Variants in DGKB observed in about 807,000 individuals in gnomAD.
The protein encoded by DGKB is 90 kDa diacylglycerol kinase.
Under a neutral mutation model 114.3 loss-of-function variants are expected in DGKB, and 67 were observed. The observed-to-expected ratio is 0.59, with a 90% confidence interval of 0.48 to 0.72. DGKB has a LOEUF of 0.72. Ranked by LOEUF, DGKB falls within the 30% of genes least tolerant of loss-of-function variation. DGKB has a pLI of 0.00. For missense variants in DGKB, 907 were observed against 975.2 expected (o/e 0.93, Z 0.93); for synonymous variants, 398 against 323.1 (o/e 1.23, Z -2.49).
intron 21 of DGKB, among the ~76,000 whole-genome samples, chr7:14,392,995 G>GTGTTTTTTTTTTTTT (rs1821577015): frequency 5.0e-5 from 3 of 60,546 alleles, no homozygotes; most frequent in African/African-American, 1.5e-4. Flanking sequence ...TTTTGTTTTT[G>GTGTTTTTTTTTTTTT]TTTTTTTTTT....
intron 22 of DGKB, among the ~76,000 whole-genome samples, chr7:14,343,286 A>G (rs1487508665): frequency 6.6e-6 from 1 of 151,728 alleles, no homozygotes; most frequent in Non-Finnish European, 1.5e-5. Flanking sequence ...AAAATAAGCC[A>G]GGGATGCAGA....
chr7:14,817,907 T>A (rs1353832689), intron 2 of DGKB, among the ~76,000 whole-genome samples: 2 of 150,418 alleles, frequency 1.3e-5, no homozygotes, highest in Non-Finnish European at 2.9e-5. Flanking sequence ...TATGGCATGA[T>A]GCTGACAGCA....
Position 14,294,845 on chromosome 7 carries a change from G to A in DGKB, c.2122+43670C>T, listed in dbSNP as rs140349305. Reference sequence around the variant, plus strand: ...CTAGTTTAATGAGATAATCAGATAAGTGACCATTTAAAATACAGACTACAT... The same window carrying A: ...CTAGTTTAATGAGATAATCAGATAAATGACCATTTAAAATACAGACTACAT... On this transcript the variant is annotated intron_variant, in intron 23 of 25. Coordinates refer to ENST00000402815, the MANE Select transcript of DGKB (RefSeq NM_001350709.2). Among the ~76,000 whole-genome samples, 758 of 152,252 alleles carry A rather than the reference G, an allele frequency of 5.0e-3. 8 individuals are homozygous for A. The highest frequency in any genetic ancestry group is 0.018 in the African/African-American group (730 of 41,574).
chr7:14,294,376 T>G (rs980966272), intron 23 of DGKB, among the ~76,000 whole-genome samples: 4 of 152,170 alleles, frequency 2.6e-5, no homozygotes, highest in Non-Finnish European at 5.9e-5. Flanking sequence ...TATCACATTC[T>G]GAAGCATTCC....
chr7:14,938,829 T>C (rs1423735364), intron 1 of DGKB, among the ~76,000 whole-genome samples: 1 of 152,182 alleles, frequency 6.6e-6, no homozygotes, highest in African/African-American at 2.4e-5. Flanking sequence ...TCCAGTATAG[T>C]ATCATAAAAA....
At chr7:14,209,192 AT>A in intron 23 of DGKB, 1 of 264,580 alleles carries the variant, frequency 3.8e-6, no homozygotes, top group South Asian at 3.2e-5. Context: ...AAAACGCCAA[AT>A]TTAAAAAACC....
chr7:14,244,380 G>T (rs1292538664), intron 23 of DGKB, among the ~76,000 whole-genome samples: 1 of 152,086 alleles, frequency 6.6e-6, no homozygotes, highest in Non-Finnish European at 1.5e-5. Flanking sequence ...GTGCTGGCCG[G>T]GCGCGGTGGC....
At chr7:14,175,522 C>T (rs966505920) in intron 25 of DGKB, among the ~76,000 whole-genome samples, 47 of 152,154 alleles carry the variant, frequency 3.1e-4, no homozygotes, top group African/African-American at 9.9e-4. Context: ...GATTTTACTT[C>T]CCTGCTGCCA....
chr7:14,493,044 A>G (rs184090610), intron 20 of DGKB, among the ~76,000 whole-genome samples: 5 of 152,180 alleles, frequency 3.3e-5, no homozygotes, highest in Admixed American at 2.6e-4. Flanking sequence ...TAGTGTTAGT[A>G]TTTCTGATAA....
chr7:14,548,014 A>G (rs1794563374), intron 20 of DGKB, among the ~76,000 whole-genome samples: 1 of 152,210 alleles, frequency 6.6e-6, no homozygotes, highest in African/African-American at 2.4e-5. Context: ...TATTTAAAAG[A>G]ATAACATCGT....
At chr7:14,601,410 G>A (rs1803525274) in intron 17 of DGKB, among the ~76,000 whole-genome samples, 1 of 152,094 alleles carries the variant, frequency 6.6e-6, no homozygotes, top group Non-Finnish European at 1.5e-5. Flanking sequence ...TTGTCTTGAT[G>A]AATAGCATTC....
chr7:14,241,802 C>T (rs1793684915), intron 23 of DGKB, among the ~76,000 whole-genome samples: 1 of 151,862 alleles, frequency 6.6e-6, no homozygotes, highest in Non-Finnish European at 1.5e-5. Context: ...AACAGTTTTA[C>T]TAACATTATA....
chr7:14,500,911 C>G (rs1042974338), intron 20 of DGKB, among the ~76,000 whole-genome samples: 1 of 151,810 alleles, frequency 6.6e-6, no homozygotes, highest in African/African-American at 2.4e-5. Flanking sequence ...CGGCTGTAAA[C>G]ATTTCTAGGC....
At position 14,580,982 on chromosome 7, in the gene DGKB, A is replaced by T. The variant is rs374857713; in HGVS notation, c.1520-31T>A. ...GAATAAAAAAAAATACAAATAAAGA[A>T]AATTTTAAGTTCAGATAAAACGACG... On this transcript the variant is annotated intron_variant, in intron 18 of 25. Coordinates refer to ENST00000402815, the MANE Select transcript of DGKB (RefSeq NM_001350709.2). 6.8e-5 allele frequency: 102 copies of T among 1,509,192 alleles called. No individual in the cohort carries two copies. In the African/African-American group the frequency reaches 1.1e-3, roughly 16 times the overall value. The allele number at this position is 1,509,192 out of a possible 1,614,324, so 93.5% of individuals were successfully genotyped here. A position where few individuals can be genotyped will look rare whatever the true frequency, so the allele number is the denominator to read the frequency against.
chr7:14,856,787 A>G (rs908137349), intron 1 of DGKB, among the ~76,000 whole-genome samples: 3 of 152,064 alleles, frequency 2.0e-5, no homozygotes, highest in Non-Finnish European at 4.4e-5. Context: ...TGGACACATT[A>G]TTATGCATTG....
chr7:14,870,512 A>AATT (rs2128194990), intron 1 of DGKB, among the ~76,000 whole-genome samples: 1 of 152,316 alleles, frequency 6.6e-6, no homozygotes, highest in South Asian at 2.1e-4. Flanking sequence ...ATTAACAAAT[A>AATT]ATTGGCCAGG....
chr7:14,782,234 C>T (rs576596573), intron 2 of DGKB, among the ~76,000 whole-genome samples: 9 of 152,102 alleles, frequency 5.9e-5, no homozygotes, highest in Non-Finnish European at 1.2e-4. Flanking sequence ...CCTTGTTGTC[C>T]AGGCTGGTCT....
chr7:14,602,984 C>A (rs1164699179), intron 17 of DGKB, among the ~76,000 whole-genome samples: 1 of 152,042 alleles, frequency 6.6e-6, no homozygotes, highest in Non-Finnish European at 1.5e-5. Context: ...CTAGACTTTT[C>A]AACATCTTTA....
chr7:14,568,633 G>A (rs562745331), intron 20 of DGKB, among the ~76,000 whole-genome samples: 6 of 152,326 alleles, frequency 3.9e-5, no homozygotes, highest in East Asian at 3.9e-4. Context: ...GACCTGTCAC[G>A]TGAGGAAAAA....
Sources: allele counts gnomAD v4.1 joint callset (sites outside exome capture counted in the v4.1 genomes callset), GRCh38; gene constraint gnomAD v4.1.1; transcripts MANE v1.5; gene names NCBI Gene and HGNC (gene_info 2026-07-23, HGNC 2026-07-21).